Variants in FLNB observed in about 807,000 individuals in gnomAD.
FLNB encodes filamin-B.
A neutral mutation model predicts 250.6 loss-of-function variants in FLNB; 111 were observed. That is an observed-to-expected ratio of 0.44 (90% CI 0.38 to 0.52). The LOEUF (loss-of-function observed/expected upper bound fraction) is 0.52. FLNB is among the 20% of genes least tolerant of loss of function. The probability of loss-of-function intolerance (pLI) is 0.00; values close to 1 mark genes in which losing one functional copy is unlikely to be tolerated. For synonymous variants in FLNB, 1,302 were observed against 1,372.1 expected (o/e 0.95, Z 1.13); for missense variants, 2,869 against 3,447.8 (o/e 0.83, Z 4.20).
chr3:58,126,620 G>A lies in FLNB; in HGVS notation c.4080G>A (p.Gly1360=). The A allele has an allele frequency of 6.2e-7, 1 of 1,614,026 alleles. No individual in the cohort carries two copies. The highest frequency in any genetic ancestry group is 1.3e-5 in the African/African-American group (1 of 75,020). Reference sequence around the variant, plus strand: ...TTTCCAGAGGCGCAGGAATTGGTGGGCTTGGCATAACTGTTGAGGGACCAT... The same window carrying A: ...TTTCCAGAGGCGCAGGAATTGGTGGACTTGGCATAACTGTTGAGGGACCAT... ...TVVTRGAGIG[G]LGITVEGPSE... is the part of the protein sequence containing the mutation. Residue 1360 remains glycine (G), a synonymous_variant, in exon 24 of 46, where the codon GGG becomes GGA. Coordinates refer to ENST00000295956, the MANE Select transcript of FLNB (RefSeq NM_001457.4).
intron 1 of FLNB, among the ~76,000 whole-genome samples, chr3:58,044,098 C>T (rs553745702): frequency 6.6e-6 from 1 of 152,268 alleles, no homozygotes; most frequent in Non-Finnish European, 1.5e-5. Context: ...TCAGGGAGAA[C>T]CTGATTCGGC....
intron 1 of FLNB, 106 bp from the exon 2 acceptor site, chr3:58,076,940 A>G (rs1559676305): frequency 7.7e-7 from 1 of 1,294,434 alleles, no homozygotes; most frequent in Non-Finnish European, 1.1e-6. Context: ...TAAATATCTC[A>G]GTATGGTTCT....
chr3:58,137,527 C>G (rs2097318437), intron 28 of FLNB, among the ~76,000 whole-genome samples: 1 of 152,248 alleles, frequency 6.6e-6, no homozygotes, highest in African/African-American at 2.4e-5. Context: ...CCACTCCTCC[C>G]TGAACAAACT....
At chr3:58,113,372 G>C (rs978306659) in intron 18 of FLNB, among the ~76,000 whole-genome samples, 7 of 152,170 alleles carry the variant, frequency 4.6e-5, no homozygotes, top group Non-Finnish European at 8.8e-5. Context: ...CCATTTGTAG[G>C]AGAAGAAGGG....
intron 24 of FLNB, among the ~76,000 whole-genome samples, chr3:58,127,298 C>T (rs2097299549): frequency 6.7e-6 from 1 of 149,576 alleles, no homozygotes; most frequent in African/African-American, 2.5e-5. Context: ...TGCGCTCCAG[C>T]TTGGGTGACA....
At chr3:58,102,138 C>A in intron 8 of FLNB, 65 bp from the exon 9 acceptor site, 1 of 1,599,158 alleles carries the variant, frequency 6.3e-7, no homozygotes, top group Non-Finnish European at 8.6e-7. Flanking sequence ...CTCCAGGTTA[C>A]CTTGGCTTTC....
intron 18 of FLNB, among the ~76,000 whole-genome samples, chr3:58,113,876 G>A (rs1456112558): frequency 1.3e-5 from 2 of 151,798 alleles, no homozygotes; most frequent in Admixed American, 6.6e-5. Context: ...ACGGGGTTTC[G>A]CCATGTTGGC....
chr3:58,112,406 G>T (rs997082017), intron 18 of FLNB, 88 bp downstream of exon 18: 2 of 1,353,660 alleles, frequency 1.5e-6, no homozygotes, highest in East Asian at 2.3e-5. Context: ...ACACCAAGGG[G>T]TGTGAGAGGT....
intron 11 of FLNB, among the ~76,000 whole-genome samples, chr3:58,105,425 A>ATGT: frequency 6.6e-6 from 1 of 152,374 alleles, no homozygotes; most frequent in African/African-American, 2.4e-5. Context: ...CCTTGAGGGC[A>ATGT]GAAACCTTAT....
chr3:58,013,706 C>G (rs1056312519), intron 1 of FLNB, among the ~76,000 whole-genome samples: 1 of 152,164 alleles, frequency 6.6e-6, no homozygotes, highest in Non-Finnish European at 1.5e-5. Context: ...TGCCTGTAAT[C>G]CCAGCTACGT....
At position 58,159,607 on chromosome 3, in the gene FLNB, C is replaced by T. The variant is rs766368051; in HGVS notation, c.6942C>T (p.Gly2314=). 5.6e-6 allele frequency: 9 copies of T among 1,613,820 alleles called. No individual in the cohort carries two copies. Among genetic ancestry groups the T allele is most frequent in the African/African-American group, 2.7e-5 (2 of 74,888 alleles). ...CATCCTTTGCTATAAGGTTGAATGGCGCAAAAGGCAAGATTGATGCAAAGG... is the reference window on the plus strand; with the variant it reads ...CATCCTTTGCTATAAGGTTGAATGGTGCAAAAGGCAAGATTGATGCAAAGG... ...QPASFAIRLN[G]AKGKIDAKVH... Residue 2314 remains glycine, a synonymous_variant, in exon 42 of 46, where the codon GGC becomes GGT. Coordinates refer to ENST00000295956, the MANE Select transcript of FLNB (RefSeq NM_001457.4).
rs149352542 is a variant in FLNB, at chr3:58,164,160, G to A, written c.7198+830G>A. 4 of 152,382 alleles carry A rather than the reference G, an allele frequency of 2.6e-5. No individual in the cohort carries two copies. Among genetic ancestry groups the A allele is most frequent in the Non-Finnish European group, 4.4e-5 (3 of 68,040 alleles). 9.4% of individuals were successfully genotyped at this position (152,382 alleles called of 1,614,324 possible). A position where few individuals can be genotyped will look rare whatever the true frequency, so the allele number is the denominator to read the frequency against. On this transcript the variant is annotated intron_variant, in intron 43 of 45. Coordinates refer to ENST00000295956, the MANE Select transcript of FLNB (RefSeq NM_001457.4). The surrounding 1 kb of genome is among the most constrained non-coding windows in gnomAD (Gnocchi z 4.0). Reference sequence around the variant, plus strand: ...CTGTATCCACTGTGTGGTATAGCTTGTGTTTTTGCTTTGACATCTTAAAGA... The same window carrying A: ...CTGTATCCACTGTGTGGTATAGCTTATGTTTTTGCTTTGACATCTTAAAGA...
intron 1 of FLNB, among the ~76,000 whole-genome samples, chr3:58,038,595 A>ATT (rs750245061): frequency 1.4e-5 from 2 of 143,956 alleles, no homozygotes; most frequent in African/African-American, 2.5e-5. Context: ...CAGTTAATTA[A>ATT]TTTTTTTTTT....
At chr3:58,138,950 G>A (rs1239886265) in intron 29 of FLNB, among the ~76,000 whole-genome samples, 1 of 152,130 alleles carries the variant, frequency 6.6e-6, no homozygotes, top group Non-Finnish European at 1.5e-5. Flanking sequence ...TGTTTTGTTT[G>A]GAGACTTGAC....
chr3:58,104,062 G>C lies in FLNB; in HGVS notation c.1587G>C (p.Trp529Cys). ...TPGRYSIAITWGGHHIPKSPF... is the reference protein window; with the variant it reads ...TPGRYSIAITCGGHHIPKSPF... The stretch of plus-strand genomic sequence containing the variant: ...GGAGATACAGCATTGCCATCACATG[G>C]GGGGGACACCACATTCCAAAGAGGT... The change falls in exon 10 of 46, where the codon TGG becomes TGC. Residue 529 changes from tryptophan to cysteine, a missense_variant. Transcript: ENST00000295956. 1.2e-6 allele frequency: 2 copies of C among 1,613,936 alleles called. No individual in the cohort carries two copies. Among genetic ancestry groups the C allele is most frequent in the Non-Finnish European group, 1.7e-6 (2 of 1,180,022 alleles).
intron 1 of FLNB, among the ~76,000 whole-genome samples, chr3:58,027,543 A>G (rs1052213204): frequency 6.6e-6 from 1 of 152,102 alleles, no homozygotes; most frequent in East Asian, 1.9e-4. Flanking sequence ...CGGCCTCCCA[A>G]AGTGCTGGGA....
intron 42 of FLNB, 193 bp from the exon 43 acceptor site, chr3:58,162,961 T>G: frequency 1.4e-5 from 9 of 636,528 alleles, no homozygotes; most frequent in Non-Finnish European, 2.6e-5. Context: ...GTGGATGCGT[T>G]TCCCTTGGGG....
rs373373395 is a variant in FLNB at position 58,134,596 on chromosome 3, G to A, written c.4515-20G>A. Reference sequence around the variant, plus strand: ...CATGTATCTTTATTGACTAGGGTGTGTGTGTGTGTGTCTATCAAGTCCCTT... The same window carrying A: ...CATGTATCTTTATTGACTAGGGTGTATGTGTGTGTGTCTATCAAGTCCCTT... On this transcript the variant is annotated intron_variant, in intron 26 of 45. Transcript: ENST00000295956. 1.2e-6 allele frequency: 2 copies of A among 1,609,520 alleles called. No individual in the cohort carries two copies. The highest frequency in any genetic ancestry group is 1.7e-5 in the Admixed American group (1 of 59,972).
At chr3:58,088,540 G>A (rs940572063) in intron 4 of FLNB, among the ~76,000 whole-genome samples, 1 of 152,150 alleles carries the variant, frequency 6.6e-6, no homozygotes, top group African/African-American at 2.4e-5. Context: ...CTTGGGACTC[G>A]AGGAATGACA....
Sources: gnomAD v4.1 joint callset for allele counts (sites outside exome capture counted in the v4.1 genomes callset) on GRCh38, gnomAD v4.1.1 for gene constraint, Gnocchi (gnomAD v3.1) non-coding constraint, MANE v1.5 for transcripts, NCBI Gene and HGNC (gene_info 2026-07-23, HGNC 2026-07-21) for gene names.